The following CFAP46 variants were observed in gnomAD, a reference collection of about 807,000 sequenced individuals.
CFAP46 encodes cilia and flagella associated protein 46, also known as cilia- and flagella-associated protein 46.
CFAP46 carries 245 observed loss-of-function variants against 325.7 expected under a neutral mutation model. The ratio of observed to expected loss-of-function variants is 0.75; its 90% CI spans 0.68 to 0.84. CFAP46 has a LOEUF of 0.84. CFAP46 is among the 40% of genes least tolerant of loss of function. The pLI is 0.00. For synonymous variants in CFAP46, 1,523 were observed against 1,495.9 expected (o/e 1.02, Z -0.42); for missense variants, 3,346 against 3,543.0 (o/e 0.94, Z 1.41).
At chr10:132,842,302 G>A (rs868625652) in intron 44 of CFAP46, among the ~76,000 whole-genome samples, 8 of 152,164 alleles carry the variant, frequency 5.3e-5, no homozygotes, top group Non-Finnish European at 7.3e-5. Context: ...AATTTATGAC[G>A]AGGCTGGCCT....
chr10:132,880,488 C>CTGAGGTGCCCACAGGG (rs1849022912), intron 28 of CFAP46, among the ~76,000 whole-genome samples: 1 of 152,212 alleles, frequency 6.6e-6, no homozygotes, highest in Admixed American at 6.5e-5. Context: ...GTCTGAGGTG[C>CTGAGGTGCCCACAGGG]TCTGGACCCC....
chr10:132,845,983 A>G (rs1848427984), intron 44 of CFAP46, 74 bp downstream of exon 44: 1 of 1,476,590 alleles, frequency 6.8e-7, no homozygotes, highest in Non-Finnish European at 9.1e-7. Flanking sequence ...CAGGCGTGGG[A>G]CTGTGCGGCT....
intron 22 of CFAP46, among the ~76,000 whole-genome samples, chr10:132,903,801 T>G (rs1849421171): frequency 6.6e-6 from 1 of 152,208 alleles, no homozygotes; most frequent in Non-Finnish European, 1.5e-5. Context: ...AAATCACTGT[T>G]GGTGATTACG....
intron 44 of CFAP46, among the ~76,000 whole-genome samples, chr10:132,839,279 G>T (rs113242659): frequency 1.3e-5 from 2 of 152,226 alleles, no homozygotes; most frequent in South Asian, 4.1e-4. Flanking sequence ...GGGTGGCGCA[G>T]CCCCAGGTCC....
chr10:132,941,790 C>A, intron 2 of CFAP46, 68 bp from the exon 3 acceptor site: 1 of 1,601,722 alleles, frequency 6.2e-7, no homozygotes, highest in Admixed American at 1.7e-5. Flanking sequence ...AGAAGCACCA[C>A]GGGCCCGCTT....
intron 50 of CFAP46, among the ~76,000 whole-genome samples, chr10:132,823,695 GA>G (rs1307537693): frequency 4.6e-5 from 6 of 131,100 alleles, no homozygotes; most frequent in Non-Finnish European, 8.0e-5. Flanking sequence ...GATGTGTGCT[GA>G]TGTGTGCTGT....
At chr10:132,860,598 G>A in intron 36 of CFAP46, 75 bp from the exon 37 acceptor site, 8 of 1,259,256 alleles carry the variant, frequency 6.4e-6, no homozygotes, top group Non-Finnish European at 9.0e-6. Context: ...GGACGGGCGG[G>A]CAGGGACAGA....
At position 132,884,282 on chromosome 10, in the gene CFAP46, G is replaced by A. The variant is rs957357010; in HGVS notation, c.3627+821C>T. Among the ~76,000 whole-genome samples the A allele has an allele frequency of 3.3e-5, 5 of 152,106 alleles. No individual in the cohort carries two copies. The highest frequency in any genetic ancestry group is 1.9e-4 in the East Asian group (1 of 5,162). The stretch of plus-strand genomic sequence containing the variant: ...TGGCTCCCCACGGTGGTACCCAGGC[G>A]TCTGCCTTGATCACCCAGTGCCCTG... On this transcript the variant is annotated intron_variant, in intron 27 of 57. Coordinates refer to ENST00000368586, the MANE Select transcript of CFAP46 (RefSeq NM_001200049.3). This position sits in a 1 kb window ranked among gnomAD's most constrained non-coding sequence, Gnocchi z 5.4.
rs144267242 is a variant in CFAP46 at position 132,881,313 on chromosome 10, A to C, written c.3628-281T>G. On this transcript the variant is annotated intron_variant, in intron 27 of 57. Coordinates refer to ENST00000368586, the MANE Select transcript of CFAP46 (RefSeq NM_001200049.3). ...CTTTGCAGATGCCACCCTCCTGGGG[A>C]CTCCCGGGTCCCCAGACATTCCCTG... Among the ~76,000 whole-genome samples, 1,406 of 151,842 alleles carry C rather than the reference A, an allele frequency of 9.3e-3. 12 individuals are homozygous for C. The highest frequency in any genetic ancestry group is 0.044 in the South Asian group (209 of 4,794).
intron 35 of CFAP46, among the ~76,000 whole-genome samples, chr10:132,863,574 C>T (rs904954705): frequency 2.6e-5 from 4 of 151,154 alleles, no homozygotes; most frequent in Non-Finnish European, 5.9e-5. Context: ...CCTGCATACA[C>T]CTCTCCTCAC....
rs78376398 is a variant in CFAP46, at chr10:132,860,782, C to T, written c.5091G>A (p.Thr1697=). Residue 1697 remains threonine, a splice_region_variant and synonymous_variant, in exon 36 of 58, where the codon ACG becomes ACA. Coordinates refer to ENST00000368586, the MANE Select transcript of CFAP46 (RefSeq NM_001200049.3). The stretch of plus-strand genomic sequence containing the variant: ...AGCCCCAGGTCCCCGTGCCTCTTAC[C>T]GTAGCTTCCCTTCCTGAGTGTTCCA... The part of the protein sequence containing the change: ...LSMEHSGREA[T]VCHIFQKLIN... The T allele has an allele frequency of 4.0e-5, 62 of 1,550,620 alleles. No individual in the cohort carries two copies. Among genetic ancestry groups the T allele is most frequent in the Admixed American group, 1.8e-4 (9 of 50,994 alleles).
chr10:132,930,259 G>A (rs890532003), intron 8 of CFAP46, among the ~76,000 whole-genome samples: 1 of 151,282 alleles, frequency 6.6e-6, no homozygotes, highest in Non-Finnish European at 1.5e-5. Flanking sequence ...TCCCCACACA[G>A]AGCATGGGAC....
At position 132,847,834 on chromosome 10, in the gene CFAP46, C is replaced by T. The variant is rs191865507; in HGVS notation, c.5953-513G>A. ...GTTTTCGGGACACAAGGTATCGCAG[C>T]ACCAAATCTATATATGCACCCAATG... On this transcript the variant is annotated intron_variant, in intron 41 of 57. Coordinates refer to ENST00000368586, the MANE Select transcript of CFAP46 (RefSeq NM_001200049.3). The surrounding 1 kb of genome is among the most constrained non-coding windows in gnomAD (Gnocchi z 5.2). Among the ~76,000 whole-genome samples, 8 of 152,268 alleles carry T rather than the reference C, an allele frequency of 5.3e-5. No individual in the cohort carries two copies. The highest frequency in any genetic ancestry group is 2.6e-4 in the Admixed American group (4 of 15,304).
chr10:132,811,751 T>G (rs1476725461), intron 55 of CFAP46, among the ~76,000 whole-genome samples: 1 of 152,202 alleles, frequency 6.6e-6, no homozygotes, highest in Admixed American at 6.5e-5. Flanking sequence ...GAGGCCCATT[T>G]CTAACTCCAC....
At chr10:132,892,475 C>G (rs2135445748) in intron 24 of CFAP46, 58 bp from the exon 25 acceptor site, 1 of 1,486,748 alleles carries the variant, frequency 6.7e-7, no homozygotes, top group Non-Finnish European at 9.2e-7. Flanking sequence ...AGTCTTTCAC[C>G]ATGAGATAAG....
intron 44 of CFAP46, among the ~76,000 whole-genome samples, chr10:132,841,258 G>A (rs1328144432): frequency 2.0e-5 from 3 of 152,228 alleles, no homozygotes; most frequent in East Asian, 1.9e-4. Flanking sequence ...CGGTGGGACC[G>A]GCTGAGACAT....
At chr10:132,824,233 T>G (rs1233339545) in intron 50 of CFAP46, among the ~76,000 whole-genome samples, 1 of 142,908 alleles carries the variant, frequency 7.0e-6, no homozygotes, top group Non-Finnish European at 1.5e-5. Flanking sequence ...GTGTTGTGTG[T>G]GCTGTGTGAG....
rs1446916479 is a variant in CFAP46 at position 132,938,856 on chromosome 10, GCC to G, written c.372-105_372-104del. ...GTCTCCGGAGCCCCTCCCAGGAGGG[GCC>G]TCAGGTCCTCTCCAGCAGATGGCAG... On this transcript the variant is annotated intron_variant, in intron 4 of 57. Transcript: ENST00000368586. The G allele has an allele frequency of 5.4e-6, 6 of 1,101,352 alleles. No individual in the cohort carries two copies. In the East Asian group the frequency reaches 1.5e-4, roughly 27 times the overall value. The allele number at this position is 1,101,352 out of a possible 1,614,324, so 68.2% of individuals were successfully genotyped here.
intron 50 of CFAP46, among the ~76,000 whole-genome samples, chr10:132,821,128 T>G (rs1423244976): frequency 3.2e-5 from 4 of 126,860 alleles, no homozygotes; most frequent in African/African-American, 1.2e-4. Flanking sequence ...GCTGTGTGTG[T>G]GCTGATGTGT....
Sources: allele counts gnomAD v4.1 joint callset (sites outside exome capture counted in the v4.1 genomes callset), GRCh38; gene constraint gnomAD v4.1.1; non-coding constraint Gnocchi (gnomAD v3.1); transcripts MANE v1.5; gene names NCBI Gene and HGNC (gene_info 2026-07-23, HGNC 2026-07-21).